Variants in ODAD4 observed in about 807,000 individuals in gnomAD.
ODAD4 encodes outer dynein arm docking complex subunit 4.
In ODAD4, 49 loss-of-function variants were observed where a neutral mutation model predicts 51.8. That is an observed-to-expected ratio of 0.95 (90% CI 0.75 to 1.20). ODAD4 has a LOEUF of 1.20. Among genes scored for constraint, ODAD4 ranks in the 50% most tolerant of loss-of-function variants. ODAD4 has a pLI of 0.00. For synonymous variants in ODAD4, 235 were observed against 221.3 expected (o/e 1.06, Z -0.55); for missense variants, 590 against 586.5 (o/e 1.01, Z -0.06).
In ODAD4 at chr17:41,936,414, T is replaced by C. The variant is rs532732949; in HGVS notation, c.398-59T>C. On this transcript the variant is annotated intron_variant, in intron 3 of 11. Transcript: ENST00000377540. Reference sequence around the variant, plus strand: ...AGGCAGCCATTTCTACATAAAAATATGTGATAAGTCATGCCTGGGGGGTCT... The same window carrying C: ...AGGCAGCCATTTCTACATAAAAATACGTGATAAGTCATGCCTGGGGGGTCT... 181 of 1,238,996 alleles carry C rather than the reference T, an allele frequency of 1.5e-4. No homozygotes were observed. In the East Asian group the frequency reaches 3.3e-3, roughly 23 times the overall value. The allele number at this position is 1,238,996 out of a possible 1,614,324, so 76.8% of individuals were successfully genotyped here. A position where few individuals can be genotyped will look rare whatever the true frequency, so the allele number is the denominator to read the frequency against.
chr17:41,954,054 C>T (rs1408982546), intron 9 of ODAD4, among the ~76,000 whole-genome samples: 3 of 151,498 alleles, frequency 2.0e-5, no homozygotes, highest in African/African-American at 4.9e-5. Context: ...GGCGCGATCT[C>T]GGCTCACTGC....
At position 41,930,827 on chromosome 17, in the gene ODAD4, G is replaced by A; in HGVS notation, c.104G>A (p.Ser35Asn). ...LCGEFSKAAQ[S>N]FSNALYLQDG... ...GGGGAATTTTCTAAAGCCGCGCAGA[G>A]CTTCAGCAACGTGAGTCGAGCTCTC... The change falls in exon 1 of 12, where the codon AGC becomes AAC. Residue 35 changes from serine to asparagine, a missense_variant. Coordinates refer to ENST00000377540, the MANE Select transcript of ODAD4 (RefSeq NM_031421.5). 1.3e-6 allele frequency: 2 copies of A among 1,541,488 alleles called. No individual in the cohort carries two copies. Among genetic ancestry groups the A allele is most frequent in the Non-Finnish European group, 1.8e-6 (2 of 1,138,616 alleles).
chr17:41,956,160 G>C (rs548708378), intron 10 of ODAD4, among the ~76,000 whole-genome samples: 1 of 149,514 alleles, frequency 6.7e-6, no homozygotes, highest in African/African-American at 2.5e-5. Flanking sequence ...CGATTCACCT[G>C]CCTCAGCCTC....
intron 7 of ODAD4, among the ~76,000 whole-genome samples, chr17:41,944,425 CACACACACACACACA>C (rs2050552691): frequency 3.1e-3 from 26 of 8,442 alleles, no homozygotes; most frequent in African/African-American, 4.3e-3. Context: ...CACACACACA[CACACACACACACACA>C]CACACCCCCC....
intron 10 of ODAD4, 61 bp downstream of exon 10, chr17:41,955,378 C>G: frequency 1.4e-6 from 1 of 722,018 alleles, no homozygotes; most frequent in Admixed American, 2.0e-5. Context: ...GTCAGGCCTT[C>G]AGTTCCCCCT....
intron 9 of ODAD4, among the ~76,000 whole-genome samples, chr17:41,950,022 TGCAG>T (rs2050632940): frequency 1.3e-5 from 2 of 152,190 alleles, no homozygotes; most frequent in African/African-American, 4.8e-5. Context: ...CAGGCTAGAC[TGCAG>T]GGGCACGATC....
intron 8 of ODAD4, among the ~76,000 whole-genome samples, chr17:41,948,522 G>A (rs1322698797): frequency 2.6e-5 from 4 of 151,424 alleles, no homozygotes; most frequent in African/African-American, 9.7e-5. Context: ...TTGCCATGTT[G>A]CCCAGGCTTG....
intron 10 of ODAD4, among the ~76,000 whole-genome samples, chr17:41,959,168 C>T (rs898464720): frequency 2.6e-5 from 4 of 152,112 alleles, no homozygotes; most frequent in Admixed American, 2.0e-4. Context: ...CTCTGGGCTC[C>T]CCCACCCCAC....
intron 10 of ODAD4, among the ~76,000 whole-genome samples, chr17:41,957,458 C>G (rs1389566682): frequency 6.6e-6 from 1 of 152,192 alleles, no homozygotes; most frequent in Non-Finnish European, 1.5e-5. Context: ...CGACCCTCCG[C>G]TTACCTCCTG....
intron 7 of ODAD4, among the ~76,000 whole-genome samples, chr17:41,943,016 T>C (rs1416513135): frequency 6.6e-6 from 1 of 152,068 alleles, no homozygotes; most frequent in African/African-American, 2.4e-5. Context: ...GCATGAACCA[T>C]TGTGCCCGCG....
chr17:41,950,675 CG>C (rs2050640606), intron 9 of ODAD4, among the ~76,000 whole-genome samples: 1 of 151,650 alleles, frequency 6.6e-6, no homozygotes, highest in Non-Finnish European at 1.5e-5. Context: ...TGCGCCTGGC[CG>C]AGGAAACCTT....
chr17:41,932,001 C>T (rs1229649406), intron 1 of ODAD4, among the ~76,000 whole-genome samples: 1 of 152,018 alleles, frequency 6.6e-6, no homozygotes, highest in Non-Finnish European at 1.5e-5. Flanking sequence ...TCTTGGCTCA[C>T]TGCAACCTCC....
intron 7 of ODAD4, among the ~76,000 whole-genome samples, chr17:41,944,601 C>T (rs1555639243): frequency 1.3e-5 from 2 of 151,824 alleles, no homozygotes; most frequent in Non-Finnish European, 2.9e-5. Flanking sequence ...ACCAGCCTTT[C>T]CGACATGGCG....
intron 10 of ODAD4, among the ~76,000 whole-genome samples, chr17:41,955,905 T>G (rs2050726020): frequency 6.6e-6 from 1 of 152,054 alleles, no homozygotes; most frequent in South Asian, 2.1e-4. Flanking sequence ...CTCGACCTCC[T>G]GGGCTCAAGT....
chr17:41,940,578 GA>G (rs1482735674), intron 7 of ODAD4, among the ~76,000 whole-genome samples: 1 of 152,184 alleles, frequency 6.6e-6, no homozygotes, highest in Non-Finnish European at 1.5e-5. Context: ...TAGCTTTAGG[GA>G]CAGACCTGTC....
In ODAD4 at chr17:41,955,292, A is replaced by G; in HGVS notation, c.1418A>G (p.Asn473Ser). 1.3e-6 allele frequency: 1 copy of G among 779,450 alleles called. No homozygotes were observed. The highest frequency in any genetic ancestry group is 1.3e-5 in the South Asian group (1 of 74,284). The allele number at this position is 779,450 out of a possible 1,614,324, so 48.3% of individuals were successfully genotyped here. A position where few individuals can be genotyped will look rare whatever the true frequency, so the allele number is the denominator to read the frequency against. ...ALERAKLVHN[N>S]EAQQAIISAL... is the part of the protein sequence containing the mutation. Reference sequence around the variant, plus strand: ...GAGAGAGCAAAGCTTGTGCATAACAACGAGGCGCAGCAGGCCATCATCAGT... The same window carrying G: ...GAGAGAGCAAAGCTTGTGCATAACAGCGAGGCGCAGCAGGCCATCATCAGT... Residue 473 changes from asparagine (N) to serine (S), a missense_variant, in exon 10 of 12, where the codon AAC (asparagine) becomes AGC (serine). Asn to Ser is a conservative substitution (Grantham distance 46). Coordinates refer to ENST00000377540, the MANE Select transcript of ODAD4 (RefSeq NM_031421.5).
chr17:41,959,972 T>C (rs1340938124), intron 10 of ODAD4, among the ~76,000 whole-genome samples: 4 of 152,198 alleles, frequency 2.6e-5, no homozygotes, highest in South Asian at 2.1e-4. Flanking sequence ...ATAAATGCCA[T>C]GTCCCCAGCT....
rs143407623 is a variant in ODAD4 at position 41,965,922 on chromosome 17, G to A, written c.*439G>A. On this transcript the variant is annotated 3_prime_UTR_variant, in exon 12 of 12. Coordinates refer to ENST00000377540, the MANE Select transcript of ODAD4 (RefSeq NM_031421.5). Reference sequence around the variant, plus strand: ...GGGGCGGCCCCAGCTGTCACAGGTAGGAGAATGCCGCAAGCCAGAACCAAG... The same window carrying A: ...GGGGCGGCCCCAGCTGTCACAGGTAAGAGAATGCCGCAAGCCAGAACCAAG... Among the ~76,000 whole-genome samples, 21 of 152,140 alleles carry A rather than the reference G, an allele frequency of 1.4e-4. No individual in the cohort carries two copies. In the East Asian group the frequency reaches 3.5e-3, roughly 25 times the overall value.
intron 9 of ODAD4, among the ~76,000 whole-genome samples, chr17:41,950,126 C>T (rs1414853050): frequency 1.3e-5 from 2 of 151,656 alleles, no homozygotes; most frequent in Non-Finnish European, 2.9e-5. Context: ...CGCACCACCA[C>T]ACCCGGCTAA....
Sources: gnomAD v4.1 joint callset for allele counts (sites outside exome capture counted in the v4.1 genomes callset) on GRCh38, gnomAD v4.1.1 for gene constraint, MANE v1.5 for transcripts, NCBI Gene and HGNC (gene_info 2026-07-23, HGNC 2026-07-21) for gene names.